SORCS3: variants seen among roughly 807,000 people sequenced by gnomAD.
SORCS3 encodes the protein sortilin related VPS10 domain containing receptor 3.
In SORCS3, 57 loss-of-function variants were observed where a neutral mutation model predicts 146.3. The observed-to-expected ratio is 0.39, with a 90% confidence interval of 0.31 to 0.49. The LOEUF (loss-of-function observed/expected upper bound fraction) is 0.49, where lower values mean the gene tolerates loss of function less well. Ranked by LOEUF, SORCS3 falls within the 20% of genes least tolerant of loss-of-function variation. SORCS3 has a pLI of 0.92. For synonymous variants in SORCS3, 653 were observed against 618.5 expected (o/e 1.06, Z -0.83); for missense variants, 1,341 against 1,575.5 (o/e 0.85, Z 2.52).
At chr10:105,067,995 CCT>C (rs2055533065) in intron 5 of SORCS3, among the ~76,000 whole-genome samples, 1 of 151,920 alleles carries the variant, frequency 6.6e-6, no homozygotes, top group Admixed American at 6.6e-5. Context: ...GCTTCCAGTC[CCT>C]CTAAAGATTA....
At chr10:104,673,313 T>C (rs774701147) in intron 1 of SORCS3, among the ~76,000 whole-genome samples, 1 of 152,188 alleles carries the variant, frequency 6.6e-6, no homozygotes, top group Non-Finnish European at 1.5e-5. Context: ...TTTCTATATA[T>C]GCCTTACAGC....
chr10:105,222,766 A>C (rs2056711595), intron 19 of SORCS3, among the ~76,000 whole-genome samples: 1 of 152,218 alleles, frequency 6.6e-6, no homozygotes, highest in Admixed American at 6.5e-5. Flanking sequence ...AATACAGGCT[A>C]ATCATCAATA....
At chr10:104,642,022 G>GGGGGGGGGGGGGC in intron 1 of SORCS3, 68 bp downstream of exon 1, 2 of 173,336 alleles carry the variant, frequency 1.2e-5, no homozygotes, top group Non-Finnish European at 2.2e-5. Flanking sequence ...GGGTGGGTGG[G>GGGGGGGGGGGGGC]AGCGAGGGAC....
chr10:105,104,601 T>C (rs1192761283), intron 6 of SORCS3, among the ~76,000 whole-genome samples: 3 of 152,220 alleles, frequency 2.0e-5, no homozygotes, highest in Non-Finnish European at 4.4e-5. Flanking sequence ...GCATTCTTGT[T>C]GTAAAAATAA....
Position 105,214,540 on chromosome 10 carries a change from A to G in SORCS3, c.2474A>G (p.His825Arg), listed in dbSNP as rs770176815. 1.9e-6 allele frequency: 3 copies of G among 1,613,008 alleles called. No individual in the cohort carries two copies. The highest frequency in any genetic ancestry group is 2.7e-5 in the African/African-American group (2 of 74,856). Residue 825 changes from histidine to arginine, a missense_variant, in exon 18 of 27, where the codon CAT becomes CGT. By Grantham distance (29) the His-to-Arg change is conservative. Coordinates refer to ENST00000369701, the MANE Select transcript of SORCS3 (RefSeq NM_014978.3). ...CCTGGAAAAGCCCCTCGGGGCCTCC[A>G]TGTGGTGACGACCGATGGGCGGCTG... ...MCPGKAPRGL[H>R]VVTTDGRLVA...
intron 19 of SORCS3, among the ~76,000 whole-genome samples, chr10:105,222,294 G>T (rs1467185221): frequency 1.4e-4 from 22 of 151,942 alleles, no homozygotes; most frequent in Admixed American, 1.4e-3. Flanking sequence ...CCTACCTCAG[G>T]TGATCCACCC....
chr10:104,773,705 A>T (rs1410413190), intron 1 of SORCS3, among the ~76,000 whole-genome samples: 1 of 152,202 alleles, frequency 6.6e-6, no homozygotes, highest in African/African-American at 2.4e-5. Context: ...CAAATGAGAC[A>T]TTGGGATATA....
At chr10:104,905,285 G>A (rs2018893896) in intron 2 of SORCS3, among the ~76,000 whole-genome samples, 1 of 152,166 alleles carries the variant, frequency 6.6e-6, no homozygotes, top group African/African-American at 2.4e-5. Context: ...AGTGTTAGAG[G>A]CTCAAAAAGG....
intron 2 of SORCS3, among the ~76,000 whole-genome samples, chr10:104,903,213 C>G (rs2018870401): frequency 6.6e-6 from 1 of 152,174 alleles, no homozygotes; most frequent in Admixed American, 6.5e-5. Flanking sequence ...ATTCAGTGAA[C>G]TGCTTTAAGA....
chr10:105,003,785 C>G (rs1259642401), intron 4 of SORCS3, among the ~76,000 whole-genome samples: 1 of 152,070 alleles, frequency 6.6e-6, no homozygotes, highest in Non-Finnish European at 1.5e-5. Context: ...CACTTGGGAA[C>G]TGGGGCTTTG....
intron 1 of SORCS3, among the ~76,000 whole-genome samples, chr10:104,689,020 C>T (rs1043330552): frequency 2.0e-5 from 3 of 152,200 alleles, no homozygotes; most frequent in Admixed American, 6.5e-5. Flanking sequence ...ACTCAGTTAA[C>T]ACCCTGCTGC....
intron 3 of SORCS3, among the ~76,000 whole-genome samples, chr10:104,974,320 G>T (rs2054880693): frequency 6.6e-6 from 1 of 152,120 alleles, no homozygotes; most frequent in South Asian, 2.1e-4. Context: ...TTATTATTGT[G>T]TGGGAGTCTA....
At chr10:105,039,659 G>A (rs368853116) in intron 4 of SORCS3, among the ~76,000 whole-genome samples, 7 of 152,030 alleles carry the variant, frequency 4.6e-5, no homozygotes, top group African/African-American at 1.4e-4. Flanking sequence ...GTTTCACCAC[G>A]TTGGCCAGGA....
At chr10:104,894,140 C>T (rs2018776097) in intron 2 of SORCS3, among the ~76,000 whole-genome samples, 1 of 152,162 alleles carries the variant, frequency 6.6e-6, no homozygotes. Flanking sequence ...TTCTCTCCAC[C>T]CTTTGCTTTC....
At chr10:105,177,174 G>A (rs2056411433) in intron 13 of SORCS3, among the ~76,000 whole-genome samples, 1 of 152,038 alleles carries the variant, frequency 6.6e-6, no homozygotes. Context: ...GGTATTATAG[G>A]AACATACAGA....
intron 2 of SORCS3, among the ~76,000 whole-genome samples, chr10:104,865,567 T>A (rs978661299): frequency 6.6e-6 from 1 of 152,138 alleles, no homozygotes; most frequent in Non-Finnish European, 1.5e-5. Flanking sequence ...GCAGACACCC[T>A]CAAAAGATCC....
intron 1 of SORCS3, among the ~76,000 whole-genome samples, chr10:104,667,009 G>T (rs907916806): frequency 6.6e-6 from 1 of 152,100 alleles, no homozygotes; most frequent in South Asian, 2.1e-4. Flanking sequence ...GAGAGAGAGA[G>T]AGGAGAGAGA....
At chr10:105,218,070 A>G (rs2119658054) in intron 19 of SORCS3, among the ~76,000 whole-genome samples, 1 of 152,336 alleles carries the variant, frequency 6.6e-6, no homozygotes, top group East Asian at 1.9e-4. Context: ...ACTCTATTGT[A>G]TAAACAACCT....
At chr10:105,104,719 C>A (rs944408892) in intron 6 of SORCS3, among the ~76,000 whole-genome samples, 1 of 152,142 alleles carries the variant, frequency 6.6e-6, no homozygotes, top group African/African-American at 2.4e-5. Flanking sequence ...CATATGTATC[C>A]TTTAAACATT....
Sources: allele counts gnomAD v4.1 joint callset (sites outside exome capture counted in the v4.1 genomes callset), GRCh38; gene constraint gnomAD v4.1.1; transcripts MANE v1.5; gene names NCBI Gene and HGNC (gene_info 2026-07-23, HGNC 2026-07-21).